TPRG1: variants seen among roughly 807,000 people sequenced by gnomAD.
TPRG1 encodes tumor protein p63 regulated 1, also known as tumor protein p63-regulated gene 1 protein.
A neutral mutation model predicts 29.3 loss-of-function variants in TPRG1; 29 were observed. The observed-to-expected ratio is 0.99, with a 90% confidence interval of 0.74 to 1.35. TPRG1 has a LOEUF of 1.35. TPRG1 is among the 40% of genes most tolerant of loss of function. The pLI, the probability that TPRG1 is intolerant of heterozygous loss-of-function variation, is 0.00. For missense variants in TPRG1, 327 were observed against 335.0 expected (o/e 0.98, Z 0.19); for synonymous variants, 130 against 116.8 (o/e 1.11, Z -0.73).
chr3:189,112,611 A>G (rs1720669547), intron 1 of TPRG1, among the ~76,000 whole-genome samples: 1 of 152,180 alleles, frequency 6.6e-6, no homozygotes, highest in African/African-American at 2.4e-5. Flanking sequence ...CAGTTTTCCC[A>G]GCACCATTTA....
chr3:189,291,533 T>C (rs1449040128), intron 4 of TPRG1, among the ~76,000 whole-genome samples: 1 of 152,174 alleles, frequency 6.6e-6, no homozygotes, highest in Non-Finnish European at 1.5e-5. Context: ...ACTGTTACTA[T>C]TTATGTGTCA....
intron 4 of TPRG1, among the ~76,000 whole-genome samples, chr3:189,294,960 C>T (rs745652124): frequency 1.3e-5 from 2 of 152,264 alleles, no homozygotes; most frequent in Non-Finnish European, 2.9e-5. Context: ...CCATTAACTC[C>T]TCATTTACAT....
intron 4 of TPRG1, among the ~76,000 whole-genome samples, chr3:189,278,833 C>T (rs2076729370): frequency 6.6e-6 from 1 of 152,174 alleles, no homozygotes; most frequent in Non-Finnish European, 1.5e-5. Flanking sequence ...CTTCCATCAC[C>T]CCCTTGCTAA....
intron 4 of TPRG1, among the ~76,000 whole-genome samples, chr3:189,254,532 A>G (rs1711509813): frequency 6.6e-6 from 1 of 152,156 alleles, no homozygotes; most frequent in Non-Finnish European, 1.5e-5. Flanking sequence ...ATGAAACTTA[A>G]TGTATTTTTT....
intron 4 of TPRG1, among the ~76,000 whole-genome samples, chr3:189,251,649 C>T (rs969234043): frequency 1.3e-5 from 2 of 152,146 alleles, no homozygotes; most frequent in African/African-American, 4.8e-5. Flanking sequence ...GTCTCTGCAT[C>T]ATAGACAAGG....
intron 4 of TPRG1, among the ~76,000 whole-genome samples, chr3:189,278,765 C>T (rs549771152): frequency 1.3e-5 from 2 of 152,310 alleles, no homozygotes; most frequent in African/African-American, 4.8e-5. Context: ...GTCATCACCA[C>T]CACTTGACAG....
intron 3 of TPRG1, among the ~76,000 whole-genome samples, chr3:189,233,124 G>A (rs1738922752): frequency 6.6e-6 from 1 of 151,766 alleles, no homozygotes; most frequent in Non-Finnish European, 1.5e-5. Context: ...ATTAGGAATA[G>A]TAACTATTTA....
intron 5 of TPRG1, among the ~76,000 whole-genome samples, chr3:189,314,520 A>G (rs78605228): frequency 1.3e-5 from 2 of 152,266 alleles, no homozygotes; most frequent in African/African-American, 4.8e-5. Context: ...CCACTTCCAC[A>G]TCTGGCAGAT....
At chr3:189,110,245 T>C (rs1470440438) in intron 1 of TPRG1, among the ~76,000 whole-genome samples, 1 of 152,208 alleles carries the variant, frequency 6.6e-6, no homozygotes, top group African/African-American at 2.4e-5. Context: ...TGAGGAGTTC[T>C]AGTTACTCCA....
At chr3:189,084,284 G>A (rs949676539) in intron 4 of TPRG1, among the ~76,000 whole-genome samples, 1 of 152,174 alleles carries the variant, frequency 6.6e-6, no homozygotes, top group African/African-American at 2.4e-5. Context: ...ACATAAAAAT[G>A]TGGCTTTATA....
chr3:189,085,378 G>A (rs1717861963), intron 4 of TPRG1, among the ~76,000 whole-genome samples: 1 of 152,058 alleles, frequency 6.6e-6, no homozygotes, highest in South Asian at 2.1e-4. Flanking sequence ...AAAACAAAAG[G>A]GAAAGATGGC....
At chr3:189,262,709 C>T (rs1176090095) in intron 4 of TPRG1, among the ~76,000 whole-genome samples, 3 of 152,192 alleles carry the variant, frequency 2.0e-5, no homozygotes, top group Admixed American at 6.5e-5. Flanking sequence ...ACATTTATTA[C>T]TCTTCAGTTT....
intron 4 of TPRG1, among the ~76,000 whole-genome samples, chr3:189,293,454 AT>A (rs1388514581): frequency 6.6e-6 from 1 of 152,144 alleles, no homozygotes; most frequent in Non-Finnish European, 1.5e-5. Context: ...CAGAGGGAAG[AT>A]GGGGAAAGGT....
chr3:189,044,606 T>C (rs1383647956), intron 4 of TPRG1, among the ~76,000 whole-genome samples: 3 of 149,826 alleles, frequency 2.0e-5, no homozygotes, highest in African/African-American at 4.9e-5. Flanking sequence ...CTGTATTTAA[T>C]ATGTAAGGAT....
chr3:189,187,852 A>G (rs16864063), intron 1 of TPRG1, among the ~76,000 whole-genome samples: 1,827 of 152,322 alleles, frequency 0.012, 37 homozygotes, highest in African/African-American at 0.042. Context: ...CTTCTTACCC[A>G]TTATCTTCTG....
At chr3:189,158,174 C>T (rs1414792150) in intron 5 of TPRG1, among the ~76,000 whole-genome samples, 1 of 152,202 alleles carries the variant, frequency 6.6e-6, no homozygotes, top group East Asian at 1.9e-4. Flanking sequence ...TAGAAATCAT[C>T]ATTATTTCCT....
At chr3:189,285,341 G>A (rs893157412) in intron 4 of TPRG1, among the ~76,000 whole-genome samples, 2 of 152,158 alleles carry the variant, frequency 1.3e-5, no homozygotes, top group Non-Finnish European at 2.9e-5. Flanking sequence ...GAGGAAAGGC[G>A]GGCGTAGGCT....
At chr3:189,200,872 C>T (rs1733368166) in intron 1 of TPRG1, among the ~76,000 whole-genome samples, 1 of 152,158 alleles carries the variant, frequency 6.6e-6, no homozygotes, top group African/African-American at 2.4e-5. Flanking sequence ...ACATAATCCC[C>T]TAAATGCAAT....
chr3:189,265,399 C>G (rs1713884171), intron 4 of TPRG1, among the ~76,000 whole-genome samples: 1 of 152,140 alleles, frequency 6.6e-6, no homozygotes, highest in Non-Finnish European at 1.5e-5. Flanking sequence ...TTCTACCTTT[C>G]CGCTTCTACA....
Sources: allele counts gnomAD v4.1 joint callset (sites outside exome capture counted in the v4.1 genomes callset), GRCh38; gene constraint gnomAD v4.1.1; transcripts MANE v1.5; gene names NCBI Gene and HGNC (gene_info 2026-07-23, HGNC 2026-07-21).